RORA: variants seen among roughly 807,000 people sequenced by gnomAD.
The protein encoded by RORA is RAR related orphan receptor A.
RORA carries 7 observed loss-of-function variants against 69.5 expected under a neutral mutation model. That is an observed-to-expected ratio of 0.10 (90% CI 0.06 to 0.19). RORA has a LOEUF of 0.19. RORA is among the 10% of genes least tolerant of loss of function. The pLI is 1.00. For missense variants in RORA, 457 were observed against 663.0 expected (o/e 0.69, Z 3.41); for synonymous variants, 261 against 240.8 (o/e 1.08, Z -0.78).
chr15:60,527,695 C>T (rs901569077), intron 3 of RORA, among the ~76,000 whole-genome samples: 1 of 152,186 alleles, frequency 6.6e-6, no homozygotes, highest in East Asian at 1.9e-4. Flanking sequence ...CTGATTCTTT[C>T]AAGAGAACAA....
intron 1 of RORA, among the ~76,000 whole-genome samples, chr15:61,182,771 G>A (rs1006095031): frequency 5.9e-5 from 9 of 152,314 alleles, no homozygotes; most frequent in African/African-American, 1.4e-4. Flanking sequence ...GGGACAGCTC[G>A]ATGGCATGAC....
intron 1 of RORA, among the ~76,000 whole-genome samples, chr15:60,863,837 C>T (rs1443817730): frequency 8.7e-5 from 13 of 148,782 alleles, no homozygotes; most frequent in Admixed American, 7.4e-4. Flanking sequence ...GACAGAGTCT[C>T]GCTCTGTCGC....
intron 1 of RORA, among the ~76,000 whole-genome samples, chr15:60,981,834 CT>C (rs78522944): frequency 0.26 from 37,878 of 147,514 alleles, 4,967 homozygotes; most frequent in East Asian, 0.33. Context: ...CTGTTGATTG[CT>C]TTTTTTTTTT....
chr15:60,634,507 C>T (rs572970169), intron 2 of RORA, among the ~76,000 whole-genome samples: 3 of 151,940 alleles, frequency 2.0e-5, no homozygotes, highest in East Asian at 1.9e-4. Context: ...CGGGTTCAAG[C>T]GATTCTCCTG....
chr15:61,191,511 G>A (rs986290566), intron 1 of RORA, among the ~76,000 whole-genome samples: 13 of 152,194 alleles, frequency 8.5e-5, no homozygotes, highest in African/African-American at 2.9e-4. Flanking sequence ...CCACAAGGCT[G>A]GCTATTGTAC....
intron 1 of RORA, among the ~76,000 whole-genome samples, chr15:60,811,713 T>A (rs983602066): frequency 6.6e-6 from 1 of 152,138 alleles, no homozygotes; most frequent in African/African-American, 2.4e-5. Context: ...ATTACCCACA[T>A]CTCAATTCTC....
At chr15:60,654,136 A>G (rs1336477839) in intron 2 of RORA, among the ~76,000 whole-genome samples, 7 of 152,142 alleles carry the variant, frequency 4.6e-5, no homozygotes, top group African/African-American at 1.4e-4. Context: ...AAAGCTTCTC[A>G]CCGGCTAAGG....
intron 1 of RORA, among the ~76,000 whole-genome samples, chr15:60,798,484 T>C (rs1022030534): frequency 9.2e-5 from 14 of 151,958 alleles, no homozygotes; most frequent in African/African-American, 3.1e-4. Flanking sequence ...AGTTGTCTGG[T>C]TCCTGAGCAC....
intron 3 of RORA, among the ~76,000 whole-genome samples, chr15:60,519,409 C>G (rs1159203304): frequency 1.3e-5 from 2 of 152,142 alleles, no homozygotes; most frequent in Admixed American, 1.3e-4. Context: ...GCTCAGAGTC[C>G]TCGCTGTAGC....
rs13380409 is a variant in RORA at position 60,775,017 on chromosome 15, A to G, written c.167-96331T>C. Among the ~76,000 whole-genome samples, 709 of 152,310 alleles carry G rather than the reference A, an allele frequency of 4.7e-3. 7 individuals are homozygous for G. The highest frequency in any genetic ancestry group is 0.016 in the African/African-American group (680 of 41,562). On this transcript the variant is annotated intron_variant, in intron 1 of 10. Transcript: ENST00000335670. Reference sequence around the variant, plus strand: ...CGTTGAAGAAAGTGTGTTGTCCTGAAACAAGTGAGGCCTGAGACACCCCAC... The same window carrying G: ...CGTTGAAGAAAGTGTGTTGTCCTGAGACAAGTGAGGCCTGAGACACCCCAC...
intron 1 of RORA, among the ~76,000 whole-genome samples, chr15:60,988,002 G>T (rs182731642): frequency 1.7e-4 from 26 of 152,262 alleles, no homozygotes; most frequent in Admixed American, 1.5e-3. Context: ...CCTTTTCTTC[G>T]TGGCAGCTTG....
intron 1 of RORA, among the ~76,000 whole-genome samples, chr15:61,105,001 C>G (rs1034289994): frequency 5.3e-4 from 76 of 143,548 alleles, no homozygotes; most frequent in Middle Eastern, 3.5e-3. Context: ...AGGCGCCCCC[C>G]CCACCGCCCA....
rs1426837282 is a variant in RORA, at chr15:60,496,952, A to G, written c.*503T>C. On this transcript the variant is annotated 3_prime_UTR_variant, in exon 11 of 11. Coordinates refer to ENST00000335670, the MANE Select transcript of RORA (RefSeq NM_134261.3). The surrounding 1 kb of genome is among the most constrained non-coding windows in gnomAD (Gnocchi z 4.5). The stretch of plus-strand genomic sequence containing the variant: ...AATGCTATTGTTGCTACTGCTATGG[A>G]CCCTTTTCATGCCATCCTGCGGACT... The G allele has an allele frequency of 6.5e-6, 1 of 153,436 alleles. No homozygotes were observed. Among genetic ancestry groups the G allele is most frequent in the African/African-American group, 2.4e-5 (1 of 41,440 alleles). 9.5% of individuals were successfully genotyped at this position (153,436 alleles called of 1,614,324 possible).
chr15:60,730,684 A>G (rs1424133144), intron 1 of RORA, among the ~76,000 whole-genome samples: 1 of 152,100 alleles, frequency 6.6e-6, no homozygotes, highest in Non-Finnish European at 1.5e-5. Flanking sequence ...TCCTGTGATC[A>G]TTTCATTTTA....
At chr15:60,561,014 T>G (rs1395654828) in intron 2 of RORA, among the ~76,000 whole-genome samples, 1 of 152,050 alleles carries the variant, frequency 6.6e-6, no homozygotes, top group East Asian at 1.9e-4. Context: ...CAGTGATGTT[T>G]TAAAATGTAA....
At chr15:61,088,413 C>A (rs761964360) in intron 1 of RORA, among the ~76,000 whole-genome samples, 2 of 152,140 alleles carry the variant, frequency 1.3e-5, no homozygotes, top group Non-Finnish European at 2.9e-5. Context: ...CTGCAAGAAA[C>A]GGGATGATTT....
chr15:60,504,312 C>T (rs971170939), intron 6 of RORA, among the ~76,000 whole-genome samples: 6 of 151,416 alleles, frequency 4.0e-5, no homozygotes, highest in East Asian at 3.9e-4. Context: ...TTTGGGAGGC[C>T]GAGGCAGGGG....
At chr15:61,210,708 C>T (rs779306450) in intron 1 of RORA, among the ~76,000 whole-genome samples, 8 of 152,100 alleles carry the variant, frequency 5.3e-5, no homozygotes, top group South Asian at 2.1e-4. Flanking sequence ...AACCTTGAGC[C>T]GCAAAGAGGA....
chr15:60,677,147 T>C (rs1345746661), intron 2 of RORA: 1 of 455,952 alleles, frequency 2.2e-6, no homozygotes, highest in Admixed American at 2.3e-5. Flanking sequence ...ACTGAATTAC[T>C]TACCACCTCT....
Sources: allele counts gnomAD v4.1 joint callset (sites outside exome capture counted in the v4.1 genomes callset), GRCh38; gene constraint gnomAD v4.1.1; non-coding constraint Gnocchi (gnomAD v3.1); transcripts MANE v1.5; gene names NCBI Gene and HGNC (gene_info 2026-07-23, HGNC 2026-07-21).